Variants in TRPM6 observed in about 807,000 individuals in gnomAD.
TRPM6 encodes transient receptor potential cation channel subfamily M member 6, also known as channel kinase 2.
Under a neutral mutation model 247.6 loss-of-function variants are expected in TRPM6, and 111 were observed. The ratio of observed to expected loss-of-function variants is 0.45; its 90% CI spans 0.38 to 0.52. The LOEUF (loss-of-function observed/expected upper bound fraction) is 0.52. TRPM6 is among the 20% of genes least tolerant of loss of function. The pLI is 0.00. For missense variants in TRPM6, 2,126 were observed against 2,421.5 expected (o/e 0.88, Z 2.56); for synonymous variants, 892 against 853.8 (o/e 1.04, Z -0.78).
intron 14 of TRPM6, among the ~76,000 whole-genome samples, chr9:74,806,256 C>T (rs75006285): frequency 1.3e-5 from 2 of 151,512 alleles, no homozygotes; most frequent in African/African-American, 4.9e-5. Context: ...AAAAAAAAAC[C>T]ATAGGCTTTT....
intron 36 of TRPM6, among the ~76,000 whole-genome samples, chr9:74,733,455 G>A (rs1251433626): frequency 1.3e-5 from 2 of 152,012 alleles, no homozygotes; most frequent in Non-Finnish European, 2.9e-5. Context: ...ACTGATAGTG[G>A]CATCTGTCAT....
intron 38 of TRPM6, 27 bp from the exon 39 acceptor site, chr9:74,724,773 A>T: frequency 4.3e-6 from 7 of 1,613,932 alleles, no homozygotes; most frequent in Non-Finnish European, 5.9e-6. Flanking sequence ...TAAAAAGGTT[A>T]TAGTGGAACC....
intron 2 of TRPM6, among the ~76,000 whole-genome samples, chr9:74,856,097 T>C (rs1426635030): frequency 6.6e-6 from 1 of 152,178 alleles, no homozygotes; most frequent in Non-Finnish European, 1.5e-5. Flanking sequence ...TTCTTTTTTA[T>C]TATTCAGAAG....
chr9:74,742,534 A>G (rs1269738397), intron 33 of TRPM6, 27 bp downstream of exon 33: 1 of 1,607,288 alleles, frequency 6.2e-7, no homozygotes, highest in Non-Finnish European at 8.5e-7. Context: ...CCTGGCATAA[A>G]CTCAAGAAGG....
At chr9:74,820,457 A>G in intron 8 of TRPM6, 30 bp from the exon 9 acceptor site, 1 of 1,613,696 alleles carries the variant, frequency 6.2e-7, no homozygotes, top group Non-Finnish European at 8.5e-7. Context: ...TCTTGACACA[A>G]CCCAGAGAGG....
At position 74,761,999 on chromosome 9, in the gene TRPM6, T is replaced by G. The variant is rs1479466637; in HGVS notation, c.4672A>C (p.Asn1558His). 8 of 1,613,524 alleles carry G rather than the reference T, an allele frequency of 5.0e-6. No individual in the cohort carries two copies. The African/African-American group carries it at 1.1e-4, about 22-fold the overall frequency. ...EKLMKICKIK[N>H]LSGSSEIGQG... ...GATATTTTAAATGTTTATTCCTTAC[T>G]TTTAATCTTACAGATCTTCATCAAT... The change falls in exon 26 of 39, where the codon AAT (asparagine) becomes CAT (histidine). Residue 1558 changes from asparagine to histidine, a missense_variant and splice_region_variant. Physicochemically the swap from Asn to His is moderately conservative, Grantham distance 68. Around this residue, in one of 3 missense-constraint regions of TRPM6, gnomAD observed 717 missense variants for 715.9 expected, o/e 1.00. Coordinates refer to ENST00000360774, the MANE Select transcript of TRPM6 (RefSeq NM_017662.5).
chr9:74,771,647 T>TAGC (rs1827046160), intron 25 of TRPM6, 56 bp downstream of exon 25: 1 of 1,570,510 alleles, frequency 6.4e-7, no homozygotes, highest in East Asian at 2.2e-5. Context: ...TTAGATATTC[T>TAGC]AGCAGAATCA....
chr9:74,878,199 C>A (rs1255964033), intron 1 of TRPM6, among the ~76,000 whole-genome samples: 1 of 152,120 alleles, frequency 6.6e-6, no homozygotes, highest in African/African-American at 2.4e-5. Context: ...ATTGTCTCAC[C>A]ACTGCTACTG....
chr9:74,749,231 T>C (rs1019504219), intron 30 of TRPM6, among the ~76,000 whole-genome samples: 6 of 152,206 alleles, frequency 3.9e-5, no homozygotes, highest in Admixed American at 6.5e-5. Flanking sequence ...CGTTAATTGA[T>C]GCATGACTGT....
At chr9:74,831,274 A>G (rs1829537586) in intron 6 of TRPM6, among the ~76,000 whole-genome samples, 1 of 152,034 alleles carries the variant, frequency 6.6e-6, no homozygotes, top group Non-Finnish European at 1.5e-5. Flanking sequence ...GGTGGATCAC[A>G]AGGTCATGAA....
chr9:74,838,940 T>C (rs1829821469), intron 5 of TRPM6, among the ~76,000 whole-genome samples: 1 of 151,866 alleles, frequency 6.6e-6, no homozygotes, highest in Admixed American at 6.6e-5. Context: ...TGAAACCCTG[T>C]CTCTACTAAA....
intron 15 of TRPM6, among the ~76,000 whole-genome samples, chr9:74,803,131 A>G (rs1828401755): frequency 6.6e-6 from 1 of 152,238 alleles, no homozygotes; most frequent in African/African-American, 2.4e-5. Context: ...ATGATGACCA[A>G]GAGTAATTTT....
In TRPM6 at chr9:74,750,568, T is replaced by C. The variant is rs553543523; in HGVS notation, c.5057+96A>G. ...ATTGTCATTTGACACACACTTCTTT[T>C]CTCTCCCTTTCTGACTAAATTAAAC... On this transcript the variant is annotated intron_variant, in intron 30 of 38. Transcript: ENST00000360774. 4.5e-4 allele frequency: 475 copies of C among 1,060,198 alleles called. 7 individuals carry two copies. The South Asian group carries it at 5.4e-3, about 12-fold the overall frequency. 65.7% of individuals were successfully genotyped at this position (1,060,198 alleles called of 1,614,324 possible). A position where few individuals can be genotyped will look rare whatever the true frequency, so the allele number is the denominator to read the frequency against.
intron 31 of TRPM6, 160 bp from the exon 32 acceptor site, chr9:74,744,305 C>CATG (rs1354797673): frequency 2.7e-6 from 2 of 727,464 alleles, no homozygotes; most frequent in Admixed American, 4.0e-5. Flanking sequence ...CAGTATTGCG[C>CATG]ATGGTATCCT....
At chr9:74,850,175 C>A (rs1375387198) in intron 3 of TRPM6, among the ~76,000 whole-genome samples, 1 of 152,004 alleles carries the variant, frequency 6.6e-6, no homozygotes, top group Non-Finnish European at 1.5e-5. Flanking sequence ...CATTCAAGAC[C>A]AGCCTGGCCA....
chr9:74,845,275 C>T (rs565312471), intron 3 of TRPM6, among the ~76,000 whole-genome samples: 4 of 152,274 alleles, frequency 2.6e-5, no homozygotes, highest in South Asian at 2.1e-4. Flanking sequence ...AATGCAATAT[C>T]AGTAAAGCAC....
intron 2 of TRPM6, among the ~76,000 whole-genome samples, chr9:74,855,927 G>A (rs899009684): frequency 6.6e-6 from 1 of 152,106 alleles, no homozygotes; most frequent in Non-Finnish European, 1.5e-5. Flanking sequence ...GGTAAAGACA[G>A]TGTGTACAAT....
intron 9 of TRPM6, among the ~76,000 whole-genome samples, chr9:74,817,358 T>A (rs912300816): frequency 5.3e-5 from 8 of 152,222 alleles, no homozygotes; most frequent in African/African-American, 1.7e-4. Context: ...TTTTTCTCTT[T>A]TCTTAATTTT....
rs201345244 is a variant in TRPM6 at position 74,827,991 on chromosome 9, C to T, written c.670-42G>A. Reference sequence around the variant, plus strand: ...ACAAGGGAGGGTCAGAGCTCTAGATCCTTCCCCAGGCTCACCTGCTCCAAA... The same window carrying T: ...ACAAGGGAGGGTCAGAGCTCTAGATTCTTCCCCAGGCTCACCTGCTCCAAA... On this transcript the variant is annotated intron_variant, in intron 6 of 38. Transcript: ENST00000360774. 1.5e-4 allele frequency: 241 copies of T among 1,603,170 alleles called. 1 individual carries two copies. The East Asian group carries it at 2.6e-3, about 18-fold the overall frequency.
Sources: gnomAD v4.1 joint callset for allele counts (sites outside exome capture counted in the v4.1 genomes callset) on GRCh38, gnomAD v4.1.1 for gene constraint, gnomAD v4.1.1 regional missense constraint, MANE v1.5 for transcripts, NCBI Gene and HGNC (gene_info 2026-07-23, HGNC 2026-07-21) for gene names.